Variants in KCNK10 observed in about 807,000 individuals in gnomAD.
KCNK10 encodes the protein potassium channel subfamily K member 10.
KCNK10 carries 25 observed loss-of-function variants against 47.7 expected under a neutral mutation model. The observed-to-expected ratio is 0.52, with a 90% confidence interval of 0.38 to 0.73. The LOEUF (loss-of-function observed/expected upper bound fraction) is 0.73, where lower values mean the gene tolerates loss of function less well. Ranked by LOEUF, KCNK10 falls within the 30% of genes least tolerant of loss-of-function variation. The probability of loss-of-function intolerance (pLI) is 0.00; values close to 1 mark genes in which losing one functional copy is unlikely to be tolerated. For synonymous variants in KCNK10, 303 were observed against 285.6 expected (o/e 1.06, Z -0.61); for missense variants, 563 against 714.5 (o/e 0.79, Z 2.42).
intron 3 of KCNK10, among the ~76,000 whole-genome samples, chr14:88,240,322 C>A (rs181538714): frequency 6.6e-6 from 1 of 152,122 alleles, no homozygotes; most frequent in African/African-American, 2.4e-5. Flanking sequence ...AAAGGTGAGA[C>A]GGTCAGAATG....
chr14:88,197,897 G>GAGAGAGAGAGAGA (rs1884975187), intron 4 of KCNK10, among the ~76,000 whole-genome samples: 1 of 131,072 alleles, frequency 7.6e-6, no homozygotes, highest in African/African-American at 3.4e-5. Context: ...AGAGAGAGAA[G>GAGAGAGAGAGAGA]GGGAAAAAAG....
chr14:88,304,303 A>T (rs1888164333), intron 1 of KCNK10, among the ~76,000 whole-genome samples: 1 of 152,196 alleles, frequency 6.6e-6, no homozygotes, highest in Non-Finnish European at 1.5e-5. Context: ...TGACAGAGCA[A>T]GACCCTATCT....
chr14:88,286,707 T>A (rs990969165), intron 1 of KCNK10, among the ~76,000 whole-genome samples: 3 of 152,140 alleles, frequency 2.0e-5, no homozygotes, highest in African/African-American at 7.2e-5. Context: ...CAAGAGAGAA[T>A]GAGAATCAAG....
intron 1 of KCNK10, among the ~76,000 whole-genome samples, chr14:88,265,973 T>C (rs1887241931): frequency 6.6e-6 from 1 of 152,180 alleles, no homozygotes; most frequent in Admixed American, 6.5e-5. Flanking sequence ...TATGTCTTTA[T>C]TAGCAGCAGG....
At chr14:88,236,621 C>T (rs556719253) in intron 3 of KCNK10, among the ~76,000 whole-genome samples, 1 of 152,316 alleles carries the variant, frequency 6.6e-6, no homozygotes, top group Admixed American at 6.5e-5. Flanking sequence ...TGAGGTTATA[C>T]AGGCATACGT....
At chr14:88,198,545 C>CCA (rs1399168990) in intron 4 of KCNK10, among the ~76,000 whole-genome samples, 2 of 152,196 alleles carry the variant, frequency 1.3e-5, no homozygotes, top group Non-Finnish European at 2.9e-5. Context: ...CACTCTTCTT[C>CCA]CACTGGCTAA....
At chr14:88,274,757 A>G (rs940798147) in intron 1 of KCNK10, among the ~76,000 whole-genome samples, 6 of 152,054 alleles carry the variant, frequency 3.9e-5, no homozygotes, top group Non-Finnish European at 8.8e-5. Flanking sequence ...TGGGGCATCT[A>G]CAAACTTGAT....
At chr14:88,192,031 T>C (rs947773842) in intron 5 of KCNK10, among the ~76,000 whole-genome samples, 193 bp downstream of exon 5, 2 of 152,310 alleles carry the variant, frequency 1.3e-5, no homozygotes, top group Non-Finnish European at 2.9e-5. Context: ...TTTCTTTTCA[T>C]AGCAGAAAAA....
upstream of KCNK10, among the ~76,000 whole-genome samples, chr14:88,324,133 CG>C (rs1289671699): frequency 6.6e-6 from 1 of 152,224 alleles, no homozygotes; most frequent in African/African-American, 2.4e-5. Context: ...CGGCAGCTCC[CG>C]GAAGCGGCGG....
At chr14:88,287,889 A>T (rs1566715328) in intron 1 of KCNK10, among the ~76,000 whole-genome samples, 1 of 152,182 alleles carries the variant, frequency 6.6e-6, no homozygotes, top group Non-Finnish European at 1.5e-5. Context: ...TGTTGGATCA[A>T]ATGGTGGTTC....
chr14:88,206,525 A>G (rs1051160014), intron 4 of KCNK10, among the ~76,000 whole-genome samples: 4 of 152,238 alleles, frequency 2.6e-5, no homozygotes, highest in Admixed American at 2.6e-4. Flanking sequence ...ATCTGACTCT[A>G]ATGTAAATAG....
Position 88,227,547 on chromosome 14 carries a change from T to C in KCNK10, c.521-12A>G. 1.9e-6 allele frequency: 3 copies of C among 1,575,492 alleles called. No individual in the cohort carries two copies. Among genetic ancestry groups the C allele is most frequent in the Middle Eastern group, 1.7e-4 (1 of 5,820 alleles). ...AATATTCCCATACCCTGGTGAGAAA[T>C]ATGAAAAAGAGGGAGAGTGGCAGAG... is the stretch of plus-strand genomic sequence containing the variant. On this transcript the variant is annotated splice_polypyrimidine_tract_variant and intron_variant, in intron 3 of 6. Transcript: ENST00000319231.
At chr14:88,320,844 A>AGAT (rs1888531360) in intron 1 of KCNK10, among the ~76,000 whole-genome samples, 2 of 152,204 alleles carry the variant, frequency 1.3e-5, no homozygotes, top group Non-Finnish European at 2.9e-5. Flanking sequence ...CATTGGCTTT[A>AGAT]GATAAATACT....
intron 4 of KCNK10, among the ~76,000 whole-genome samples, chr14:88,219,844 T>C (rs1566689893): frequency 6.6e-6 from 1 of 152,182 alleles, no homozygotes; most frequent in African/African-American, 2.4e-5. Context: ...TGGATGCCGA[T>C]GCCGATGGTC....
intron 2 of KCNK10, among the ~76,000 whole-genome samples, chr14:88,254,169 T>C (rs1886880893): frequency 1.3e-5 from 2 of 152,130 alleles, no homozygotes; most frequent in Non-Finnish European, 2.9e-5. Flanking sequence ...AGACCCCTCT[T>C]GCTGGAGGCA....
chr14:88,310,326 C>T (rs546457927), intron 1 of KCNK10, among the ~76,000 whole-genome samples: 117 of 151,040 alleles, frequency 7.7e-4, no homozygotes, highest in African/African-American at 2.3e-3. Flanking sequence ...TCTGGGTACA[C>T]GCCTCAGGTC....
intron 1 of KCNK10, among the ~76,000 whole-genome samples, chr14:88,269,286 C>T (rs1280764320): frequency 6.6e-6 from 1 of 152,218 alleles, no homozygotes; most frequent in Non-Finnish European, 1.5e-5. Flanking sequence ...GATATTACTG[C>T]ACCATCCATT....
chr14:88,211,680 G>A (rs1032204722), intron 4 of KCNK10, among the ~76,000 whole-genome samples: 4 of 151,904 alleles, frequency 2.6e-5, no homozygotes, highest in Admixed American at 1.3e-4. Flanking sequence ...GGTGGATCAT[G>A]AGGTCAGAAG....
In KCNK10 at chr14:88,256,130, C is replaced by T. The variant is rs144688915; in HGVS notation, c.402+7072G>A. On this transcript the variant is annotated intron_variant, in intron 2 of 6. Coordinates refer to ENST00000319231, the MANE Select transcript of KCNK10 (RefSeq NM_138317.3). ...CTGCTGAGCCCCAGCTCGGGTTAAG[C>T]GGCTTGCCCTAGGACATCAAACTTG... Among the ~76,000 whole-genome samples the T allele has an allele frequency of 1.7e-3, 262 of 152,276 alleles. 3 individuals are homozygous for T. The highest frequency in any genetic ancestry group is 1.5e-3 in the Non-Finnish European group (102 of 68,036).
Sources: allele counts gnomAD v4.1 joint callset (sites outside exome capture counted in the v4.1 genomes callset), GRCh38; gene constraint gnomAD v4.1.1; transcripts MANE v1.5; gene names NCBI Gene and HGNC (gene_info 2026-07-23, HGNC 2026-07-21).